The following ROBO2 variants were observed in gnomAD, a reference collection of about 807,000 sequenced individuals.
ROBO2 encodes the protein roundabout guidance receptor 2.
In ROBO2, 53 loss-of-function variants were observed where a neutral mutation model predicts 160.8. The observed-to-expected ratio is 0.33, with a 90% CI of 0.26 to 0.41. ROBO2 has a LOEUF of 0.41. Among genes scored for constraint, ROBO2 ranks in the 10% least tolerant of loss-of-function variants. ROBO2 has a pLI of 1.00. For missense variants in ROBO2, 1,577 were observed against 1,722.4 expected (o/e 0.92, Z 1.49); for synonymous variants, 664 against 611.7 (o/e 1.09, Z -1.26).
chr3:76,801,629 C>A (rs765134399), intron 2 of ROBO2, among the ~76,000 whole-genome samples: 1 of 151,980 alleles, frequency 6.6e-6, no homozygotes, highest in Non-Finnish European at 1.5e-5. Context: ...TTTATCGAGA[C>A]CAGCAAAACT....
intron 2 of ROBO2, among the ~76,000 whole-genome samples, chr3:76,399,481 T>C (rs1352531817): frequency 2.0e-5 from 3 of 151,804 alleles, no homozygotes; most frequent in Non-Finnish European, 2.9e-5. Flanking sequence ...TGAGAATACA[T>C]GCCTGCTTTA....
At chr3:77,375,095 C>T (rs2072444923) in intron 2 of ROBO2, among the ~76,000 whole-genome samples, 3 of 152,166 alleles carry the variant, frequency 2.0e-5, no homozygotes, top group Admixed American at 2.0e-4. Context: ...GCCTGTAGCC[C>T]TAGCAATTCA....
chr3:77,501,307 T>TAA (rs564271665), intron 5 of ROBO2, among the ~76,000 whole-genome samples: 1 of 145,792 alleles, frequency 6.9e-6, no homozygotes, highest in South Asian at 2.2e-4. Context: ...AAGCAAAAGG[T>TAA]AAAAAAAAAA....
At chr3:77,490,528 A>G (rs1451055602) in intron 4 of ROBO2, among the ~76,000 whole-genome samples, 6 of 152,116 alleles carry the variant, frequency 3.9e-5, no homozygotes, top group Admixed American at 1.3e-4. Flanking sequence ...GATCATATTT[A>G]TCTTCATTTC....
intron 2 of ROBO2, among the ~76,000 whole-genome samples, chr3:76,981,831 AG>A (rs1559796575): frequency 6.6e-6 from 1 of 152,084 alleles, no homozygotes; most frequent in Non-Finnish European, 1.5e-5. Context: ...TGGCAAAAAC[AG>A]GGGCAAGAGA....
At chr3:77,449,549 A>G (rs1374219468) in intron 2 of ROBO2, among the ~76,000 whole-genome samples, 1 of 152,104 alleles carries the variant, frequency 6.6e-6, no homozygotes, top group Non-Finnish European at 1.5e-5. Context: ...ATCTTTCATT[A>G]AAATCTCCAT....
chr3:76,194,477 A>T (rs1401914753), intron 2 of ROBO2, among the ~76,000 whole-genome samples: 5 of 150,828 alleles, frequency 3.3e-5, no homozygotes, highest in African/African-American at 1.2e-4. Flanking sequence ...ATGGGAATAC[A>T]AATCATTCAA....
intron 2 of ROBO2, among the ~76,000 whole-genome samples, chr3:76,006,854 A>G (rs2066031878): frequency 6.6e-6 from 1 of 152,128 alleles, no homozygotes. Flanking sequence ...GAAATTAAAT[A>G]TTTTAATGGA....
intron 2 of ROBO2, among the ~76,000 whole-genome samples, chr3:76,581,898 A>G (rs907791014): frequency 2.6e-5 from 4 of 152,218 alleles, no homozygotes; most frequent in African/African-American, 9.6e-5. Context: ...CTCTAATTTT[A>G]TCATGAATTT....
At chr3:76,816,810 G>A (rs537619639) in intron 2 of ROBO2, among the ~76,000 whole-genome samples, 1 of 152,030 alleles carries the variant, frequency 6.6e-6, no homozygotes, top group African/African-American at 2.4e-5. Context: ...GCAAAGACTT[G>A]GAACCAACCC....
intron 2 of ROBO2, among the ~76,000 whole-genome samples, chr3:76,648,093 T>G (rs1407467190): frequency 1.3e-5 from 2 of 152,126 alleles, no homozygotes; most frequent in Non-Finnish European, 2.9e-5. Flanking sequence ...CATATTATTG[T>G]GATAGCATGT....
rs139752009 is a variant in ROBO2, at chr3:75,925,331, G to A, written c.-13-12150G>A. On this transcript the variant is annotated intron_variant, in intron 1 of 26. Transcript: ENST00000487694. ...TCTGAGCCCGGGAGGTGGAGGCTGC[G>A]GTGAACCGTGATTATGCCACTGCGC... Among the ~76,000 whole-genome samples the A allele has an allele frequency of 2.1e-3, 324 of 152,104 alleles. 2 individuals carry two copies. Among genetic ancestry groups the A allele is most frequent in the African/African-American group, 6.8e-3 (281 of 41,496 alleles).
intron 2 of ROBO2, among the ~76,000 whole-genome samples, chr3:76,478,680 G>GTTTTT (rs1042265916): frequency 2.2e-4 from 27 of 120,926 alleles, no homozygotes; most frequent in Middle Eastern, 4.3e-3. Context: ...TTTTTTCTCT[G>GTTTTT]TTTTTTTTTT....
chr3:77,009,254 C>A (rs909154933), intron 2 of ROBO2, among the ~76,000 whole-genome samples: 6 of 152,132 alleles, frequency 3.9e-5, no homozygotes, highest in African/African-American at 1.4e-4. Context: ...ACCCTCATTC[C>A]ACCAATAACT....
Position 77,340,625 on chromosome 3 carries a change from A to T in ROBO2, c.389-136789A>T, listed in dbSNP as rs73108191. Reference sequence around the variant, plus strand: ...GCACAGGAAACAGACTAACAAGAAGACCCAGTTTGAGTTGTACGTATTCAT... The same window carrying T: ...GCACAGGAAACAGACTAACAAGAAGTCCCAGTTTGAGTTGTACGTATTCAT... On this transcript the variant is annotated intron_variant, in intron 2 of 25. Coordinates refer to ENST00000461745, the Ensembl canonical transcript of ROBO2. Among the ~76,000 whole-genome samples, 5 of 152,200 alleles carry T rather than the reference A, an allele frequency of 3.3e-5. No individual in the cohort carries two copies. The East Asian group carries it at 9.7e-4, about 29-fold the overall frequency.
At chr3:77,252,334 T>C (rs939569912) in intron 2 of ROBO2, among the ~76,000 whole-genome samples, 1 of 152,108 alleles carries the variant, frequency 6.6e-6, no homozygotes, top group Non-Finnish European at 1.5e-5. Flanking sequence ...CCTTACAAAA[T>C]TTAGGCTTTC....
Position 76,539,564 on chromosome 3 carries a change from G to GA in ROBO2, c.110-558444dup, listed in dbSNP as rs747037549. Among the ~76,000 whole-genome samples, 101 of 152,154 alleles carry GA rather than the reference G, an allele frequency of 6.6e-4. 1 individual carries two copies. The highest frequency in any genetic ancestry group is 3.1e-3 in the Admixed American group (47 of 15,272). Reference sequence around the variant, plus strand: ...TACAGTTTAAATATTTAAACCATTGGAAAAAACTAAAATTACCTGGGTTTG... The same window carrying GA: ...TACAGTTTAAATATTTAAACCATTGGAAAAAAACTAAAATTACCTGGGTTTG... On this transcript the variant is annotated intron_variant, in intron 2 of 26. Transcript: ENST00000487694.
rs555808152 is a variant in ROBO2, at chr3:76,381,085, A to G, written c.109+443483A>G. On this transcript the variant is annotated intron_variant, in intron 2 of 26. Transcript: ENST00000487694. The stretch of plus-strand genomic sequence containing the variant: ...ATAGCACAATTTCAAAGTGTTTGAA[A>G]GGATTTAAAAAAACAGACACAGATA... 4.2e-3 allele frequency among the ~76,000 whole-genome samples: 639 copies of G among 152,042 alleles called. 2 individuals are homozygous for G. Among genetic ancestry groups the G allele is most frequent in the African/African-American group, 0.015 (614 of 41,506 alleles).
At chr3:77,513,445 G>T (rs2089644125) in intron 5 of ROBO2, among the ~76,000 whole-genome samples, 1 of 151,702 alleles carries the variant, frequency 6.6e-6, no homozygotes. Flanking sequence ...AGGAAAGCAG[G>T]TATGTTTATG....
Sources: allele counts gnomAD v4.1 joint callset (sites outside exome capture counted in the v4.1 genomes callset), GRCh38; gene constraint gnomAD v4.1.1; transcripts MANE v1.5; gene names NCBI Gene and HGNC (gene_info 2026-07-23, HGNC 2026-07-21).